Variants in FSD1L observed in about 807,000 individuals in gnomAD.
FSD1L encodes the protein FSD1-like protein.
A neutral mutation model predicts 71.6 loss-of-function variants in FSD1L; 45 were observed. The ratio of observed to expected loss-of-function variants is 0.63; its 90% CI spans 0.49 to 0.81. The LOEUF (loss-of-function observed/expected upper bound fraction) is 0.81, where lower values mean the gene tolerates loss of function less well. FSD1L is among the 30% of genes least tolerant of loss of function. The pLI, the probability that FSD1L is intolerant of heterozygous loss-of-function variation, is 0.00. For missense variants in FSD1L, 561 were observed against 618.1 expected (o/e 0.91, Z 0.98); for synonymous variants, 197 against 207.2 (o/e 0.95, Z 0.42).
At chr9:105,482,731 T>A (rs1024223039) in intron 6 of FSD1L, among the ~76,000 whole-genome samples, 1 of 152,214 alleles carries the variant, frequency 6.6e-6, no homozygotes, top group Non-Finnish European at 1.5e-5. Context: ...TTGTTCTTGT[T>A]TTTTTTAAAG....
intron 1 of FSD1L, among the ~76,000 whole-genome samples, chr9:105,452,673 T>TGCCTGCCTTCCTGCCTTCCTG (rs1564073401): frequency 3.8e-5 from 3 of 79,684 alleles, no homozygotes; most frequent in African/African-American, 1.9e-4. Flanking sequence ...CTGCCTGCCT[T>TGCCTGCCTTCCTGCCTTCCTG]CCTTCCTTCC....
intron 7 of FSD1L, among the ~76,000 whole-genome samples, chr9:105,490,916 G>A (rs1247320465): frequency 9.7e-5 from 14 of 144,784 alleles, no homozygotes; most frequent in African/African-American, 3.4e-4. Context: ...TAGCCTTGTA[G>A]TATAGTTTGA....
chr9:105,504,766 C>T (rs1025712205), intron 7 of FSD1L, among the ~76,000 whole-genome samples: 1 of 152,174 alleles, frequency 6.6e-6, no homozygotes, highest in African/African-American at 2.4e-5. Flanking sequence ...AGTTGTTATA[C>T]TGTAGTTTTA....
rs1835845165 is a variant in FSD1L at position 105,530,827 on chromosome 9, C to T, written c.1026-3666C>T. The T allele has an allele frequency of 6.7e-6, 3 of 448,306 alleles. No individual in the cohort carries two copies. In the Admixed American group the frequency reaches 1.2e-4, roughly 18 times the overall value. The allele number at this position is 448,306 out of a possible 1,614,324, so 27.8% of individuals were successfully genotyped here. The stretch of plus-strand genomic sequence containing the variant: ...GTTTTTTCAATTTAGTACTTTGGCT[C>T]AGGAAGATACAGGTGTTCCTTAATT... On this transcript the variant is annotated intron_variant, in intron 10 of 13. Transcript: ENST00000481272.
chr9:105,541,904 C>T lies in FSD1L; in HGVS notation c.1467+2553C>T, dbSNP rs184504023. On this transcript the variant is annotated intron_variant, in intron 13 of 13. Transcript: ENST00000481272. ...TGTATGGTATGTAGCCTTTCGATTC[C>T]GTACCATGCTGCATTTGAAATTCAT... Among the ~76,000 whole-genome samples, 165 of 152,292 alleles carry T rather than the reference C, an allele frequency of 1.1e-3. 2 individuals are homozygous for T. The highest frequency in any genetic ancestry group is 3.8e-3 in the African/African-American group (159 of 41,566).
At chr9:105,478,772 CTT>C (rs1431854678) in intron 5 of FSD1L, among the ~76,000 whole-genome samples, 1 of 152,106 alleles carries the variant, frequency 6.6e-6, no homozygotes, top group Non-Finnish European at 1.5e-5. Flanking sequence ...TCTCTGGTCT[CTT>C]TGTGTCTGAA....
intron 10 of FSD1L, among the ~76,000 whole-genome samples, chr9:105,515,056 A>G (rs1834620584): frequency 6.6e-6 from 1 of 152,090 alleles, no homozygotes; most frequent in South Asian, 2.1e-4. Context: ...GATTGCAGAT[A>G]CGGTATATGA....
chr9:105,497,053 A>G (rs1010768805), intron 7 of FSD1L, among the ~76,000 whole-genome samples: 5 of 152,106 alleles, frequency 3.3e-5, no homozygotes, highest in Middle Eastern at 3.2e-3. Flanking sequence ...TTCTGTTCCT[A>G]TTTCACTGAG....
At chr9:105,526,612 G>A (rs531855179) in intron 10 of FSD1L, among the ~76,000 whole-genome samples, 10 of 152,188 alleles carry the variant, frequency 6.6e-5, no homozygotes, top group Non-Finnish European at 1.3e-4. Flanking sequence ...CTTCATGTCT[G>A]CCATAACATG....
upstream of FSD1L, among the ~76,000 whole-genome samples, chr9:105,444,654 C>T (rs1829603941): frequency 6.6e-6 from 1 of 152,172 alleles, no homozygotes; most frequent in South Asian, 2.1e-4. Context: ...CTTGAGGTTT[C>T]CTCAGAAAGA....
chr9:105,479,405 G>C, intron 6 of FSD1L, 29 bp downstream of exon 6: 1 of 1,512,606 alleles, frequency 6.6e-7, no homozygotes, highest in Non-Finnish European at 8.9e-7. Flanking sequence ...TTTTACTTAA[G>C]TATAAATATT....
At chr9:105,536,265 C>T (rs975840621) in intron 12 of FSD1L, among the ~76,000 whole-genome samples, 4 of 152,230 alleles carry the variant, frequency 2.6e-5, no homozygotes, top group African/African-American at 9.6e-5. Flanking sequence ...TGAATAAACA[C>T]AGAATTACGT....
chr9:105,506,528 T>G lies in FSD1L; in HGVS notation c.716T>G (p.Phe239Cys), dbSNP rs994807149. Reference sequence around the variant, plus strand: ...ATACTGGAACATAGGAAGACTAATTTTGATGGACTTCCACGTGTAAAGGAT... The same window carrying G: ...ATACTGGAACATAGGAAGACTAATTGTGATGGACTTCCACGTGTAAAGGAT... The part of the protein sequence containing the change: ...HFILEHRKTN[F>C]DGLPRVKDER... The change falls in exon 8 of 14, where the codon TTT (phenylalanine) becomes TGT (cysteine). Residue 239 changes from phenylalanine to cysteine, a missense_variant. Coordinates refer to ENST00000481272, the MANE Select transcript of FSD1L (RefSeq NM_001145313.3). The G allele has an allele frequency of 2.6e-6, 4 of 1,551,268 alleles. No individual in the cohort carries two copies. Among genetic ancestry groups the G allele is most frequent in the Admixed American group, 3.9e-5 (2 of 50,996 alleles).
intron 2 of FSD1L, among the ~76,000 whole-genome samples, chr9:105,462,528 T>TA (rs2131606650): frequency 6.8e-6 from 1 of 148,106 alleles, no homozygotes; most frequent in South Asian, 2.2e-4. Flanking sequence ...ACATTTTTTT[T>TA]TTTTTTTTTT....
intron 7 of FSD1L, 85 bp downstream of exon 7, chr9:105,484,587 ATATT>A: frequency 1.2e-6 from 1 of 817,662 alleles, no homozygotes; most frequent in Non-Finnish European, 1.7e-6. Context: ...TGGTTTGTAA[ATATT>A]AAGGAAGTAT....
chr9:105,492,742 G>T lies in FSD1L; in HGVS notation c.586+8240G>T, dbSNP rs557117965. On this transcript the variant is annotated intron_variant, in intron 7 of 13. Coordinates refer to ENST00000481272, the MANE Select transcript of FSD1L (RefSeq NM_001145313.3). ...TTCAAAGAACATCTTTATTTCTGCC[G>T]TCATTTTGTTATGTACCCAGTAGTC... Among the ~76,000 whole-genome samples the T allele has an allele frequency of 9.5e-3, 1,440 of 151,974 alleles. 27 individuals are homozygous for T. The highest frequency in any genetic ancestry group is 0.033 in the African/African-American group (1,359 of 41,450).
At chr9:105,506,263 T>A (rs2131356457) in intron 7 of FSD1L, 136 bp from the exon 8 acceptor site, 2 of 643,778 alleles carry the variant, frequency 3.1e-6, no homozygotes, top group Non-Finnish European at 5.2e-6. Flanking sequence ...TCCTTTTGCT[T>A]AATCTGATCT....
In FSD1L at chr9:105,500,408, A is replaced by G. The variant is rs145945871; in HGVS notation, c.587-5991A>G. Among the ~76,000 whole-genome samples, 847 of 152,296 alleles carry G rather than the reference A, an allele frequency of 5.6e-3. 10 individuals are homozygous for G. The highest frequency in any genetic ancestry group is 0.02 in the African/African-American group (821 of 41,564). On this transcript the variant is annotated intron_variant, in intron 7 of 13. Coordinates refer to ENST00000481272, the MANE Select transcript of FSD1L (RefSeq NM_001145313.3). ...CCTTATTCCTGGATTTTTCGGTGGA[A>G]CAGGATGGCTGGAGTGGGCTGGGGT...
rs531014648 is a variant in FSD1L, at chr9:105,491,100, A to G, written c.586+6598A>G. ...AAACCTGTAAATTACCTTGGGCAGT[A>G]TGGCCATTTTCATGATATTGATTCT... is the stretch of plus-strand genomic sequence containing the variant. On this transcript the variant is annotated intron_variant, in intron 7 of 13. Coordinates refer to ENST00000481272, the MANE Select transcript of FSD1L (RefSeq NM_001145313.3). Among the ~76,000 whole-genome samples the G allele has an allele frequency of 3.3e-5, 5 of 152,258 alleles. No homozygotes were observed. In the South Asian group the frequency reaches 1.0e-3, roughly 32 times the overall value.
Sources: gnomAD v4.1 joint callset for allele counts (sites outside exome capture counted in the v4.1 genomes callset) on GRCh38, gnomAD v4.1.1 for gene constraint, MANE v1.5 for transcripts, NCBI Gene and HGNC (gene_info 2026-07-23, HGNC 2026-07-21) for gene names.